Variants in PRKACB observed in about 807,000 individuals in gnomAD.
PRKACB encodes the protein protein kinase cAMP-activated catalytic subunit beta, also known as cAMP-dependent protein kinase catalytic subunit beta.
PRKACB carries 16 observed loss-of-function variants against 51.4 expected under a neutral mutation model. That is an observed-to-expected ratio of 0.31 (90% CI 0.21 to 0.47). The LOEUF (loss-of-function observed/expected upper bound fraction) is 0.47. PRKACB is among the 20% of genes least tolerant of loss of function. The probability of loss-of-function intolerance (pLI) is 1.00; values close to 1 mark genes in which losing one functional copy is unlikely to be tolerated. For synonymous variants in PRKACB, 147 were observed against 154.4 expected (o/e 0.95, Z 0.35); for missense variants, 309 against 464.5 (o/e 0.67, Z 3.08).
At chr1:84,104,324 T>C (rs182587947) in intron 1 of PRKACB, among the ~76,000 whole-genome samples, 474 of 152,304 alleles carry the variant, frequency 3.1e-3, no homozygotes, top group Non-Finnish European at 4.6e-3. Flanking sequence ...CTTTGTTATG[T>C]CTAAATAGTA....
At position 84,162,264 on chromosome 1, in the gene PRKACB, T is replaced by C. The variant is rs1343049337; in HGVS notation, c.188-16913T>C. ...AATTTGACTATGATATGTCTCAGTG[T>C]GGATCTTTTGGGTTTTATTCTAGTT... On this transcript the variant is annotated intron_variant, in intron 1 of 9. Transcript: ENST00000370685. Among the ~76,000 whole-genome samples, 3 of 152,086 alleles carry C rather than the reference T, an allele frequency of 2.0e-5. No individual in the cohort carries two copies. In the East Asian group the frequency reaches 5.8e-4, roughly 29 times the overall value.
chr1:84,141,054 A>G (rs1653358979), upstream of PRKACB, among the ~76,000 whole-genome samples: 1 of 152,090 alleles, frequency 6.6e-6, no homozygotes, highest in Admixed American at 6.5e-5. Flanking sequence ...AAAAGAAACC[A>G]ATATTTTGTG....
At position 84,214,133 on chromosome 1, in the gene PRKACB, C is replaced by G. The variant is rs1553186309; in HGVS notation, c.907-20C>G. The G allele has an allele frequency of 6.3e-7, 1 of 1,576,306 alleles. No homozygotes were observed. Among genetic ancestry groups the G allele is most frequent in the Non-Finnish European group, 8.6e-7 (1 of 1,165,184 alleles). ...ATGAGTCTTAGAATGTGTGTTTTACCAAATGGTGTGTTTGTGTAGGTCCGA... is the reference window on the plus strand; with the variant it reads ...ATGAGTCTTAGAATGTGTGTTTTACGAAATGGTGTGTTTGTGTAGGTCCGA... On this transcript the variant is annotated intron_variant, in intron 8 of 9. Transcript: ENST00000370685.
chr1:84,202,554 T>G, intron 7 of PRKACB, 129 bp from the exon 8 acceptor site: 1 of 848,754 alleles, frequency 1.2e-6, no homozygotes, highest in South Asian at 2.3e-5. Flanking sequence ...AATTCTGTCC[T>G]GAATAGCTGC....
intron 9 of PRKACB, among the ~76,000 whole-genome samples, chr1:84,230,398 A>G (rs1009311373): frequency 1.3e-4 from 20 of 152,152 alleles, no homozygotes; most frequent in Non-Finnish European, 2.2e-4. Context: ...TTGGCTTAGG[A>G]TTGATTTGGC....
intron 1 of PRKACB, among the ~76,000 whole-genome samples, chr1:84,153,126 T>C (rs1265248140): frequency 6.6e-6 from 1 of 151,956 alleles, no homozygotes; most frequent in African/African-American, 2.4e-5. Flanking sequence ...GACTAGCTGG[T>C]GAGTGGAGCA....
chr1:84,187,905 A>G (rs557391364), intron 5 of PRKACB, among the ~76,000 whole-genome samples: 1 of 152,216 alleles, frequency 6.6e-6, no homozygotes, highest in African/African-American at 2.4e-5. Flanking sequence ...TACTCATTGT[A>G]ATGCTGAGAA....
chr1:84,082,244 G>T (rs1179224162), intron 1 of PRKACB, among the ~76,000 whole-genome samples: 2 of 152,116 alleles, frequency 1.3e-5, no homozygotes, highest in East Asian at 3.8e-4. Flanking sequence ...CCACTTTGCT[G>T]AACAGCCTCT....
intron 1 of PRKACB, among the ~76,000 whole-genome samples, chr1:84,087,911 A>G (rs1229393468): frequency 6.6e-6 from 1 of 152,172 alleles, no homozygotes; most frequent in Non-Finnish European, 1.5e-5. Context: ...TTCCCTAGCC[A>G]GTGAAATAGG....
At chr1:84,097,122 AT>A (rs1557923082) in intron 1 of PRKACB, among the ~76,000 whole-genome samples, 1 of 151,656 alleles carries the variant, frequency 6.6e-6, no homozygotes, top group Non-Finnish European at 1.5e-5. Flanking sequence ...TACACAATTT[AT>A]TTTTTCTTTC....
rs1671049067 is a variant in PRKACB at position 84,204,655 on chromosome 1, T to C, written c.906+1850T>C. 6.3e-6 allele frequency: 7 copies of C among 1,109,392 alleles called. No individual in the cohort carries two copies. In the South Asian group the frequency reaches 1.9e-4, roughly 30 times the overall value. The allele number at this position is 1,109,392 out of a possible 1,614,324, so 68.7% of individuals were successfully genotyped here. Reference sequence around the variant, plus strand: ...AAATGGAAGAAGAATATTTTACTAATACAAAAACTAAGAATGTAAATGTTA... The same window carrying C: ...AAATGGAAGAAGAATATTTTACTAACACAAAAACTAAGAATGTAAATGTTA... On this transcript the variant is annotated intron_variant, in intron 8 of 9. Coordinates refer to ENST00000370685, the MANE Select transcript of PRKACB (RefSeq NM_182948.4).
chr1:84,150,338 C>T (rs555617766), intron 1 of PRKACB, among the ~76,000 whole-genome samples: 1 of 152,142 alleles, frequency 6.6e-6, no homozygotes, highest in African/African-American at 2.4e-5. Context: ...AATTTATTCT[C>T]AAAACAGTAT....
rs557706952 is a variant in PRKACB at position 84,178,383 on chromosome 1, A to C, written c.188-794A>C. 2.6e-5 allele frequency among the ~76,000 whole-genome samples: 4 copies of C among 152,166 alleles called. No homozygotes were observed. In the South Asian group the frequency reaches 8.3e-4, roughly 32 times the overall value. On this transcript the variant is annotated intron_variant, in intron 1 of 9. Transcript: ENST00000370685. The stretch of plus-strand genomic sequence containing the variant: ...AGTTGTTTTCTAAGATAGCTTTTGA[A>C]AATGGGGAAAGTTTTAACTGGTTCA...
At chr1:84,081,020 A>G (rs1220408396) in intron 1 of PRKACB, among the ~76,000 whole-genome samples, 1 of 152,252 alleles carries the variant, frequency 6.6e-6, no homozygotes, top group African/African-American at 2.4e-5. Context: ...AGGCAAAAAT[A>G]CAAGTGCTAA....
At chr1:84,202,834 T>A in intron 8 of PRKACB, 29 bp downstream of exon 8, 1 of 1,533,122 alleles carries the variant, frequency 6.5e-7, no homozygotes. Context: ...TATTCCTCTC[T>A]TATTACTGTA....
At chr1:84,164,294 CT>C in intron 1 of PRKACB, 1 of 1,503,412 alleles carries the variant, frequency 6.7e-7, no homozygotes, top group Non-Finnish European at 9.0e-7. Context: ...CCAATAGTCA[CT>C]AGCAACAGCA....
Position 84,237,484 on chromosome 1 carries a change from A to G in PRKACB, c.*2179A>G, listed in dbSNP as rs1433674327. On this transcript the variant is annotated 3_prime_UTR_variant, in exon 10 of 10. Coordinates refer to ENST00000370685, the MANE Select transcript of PRKACB (RefSeq NM_182948.4). ...CCCAGCTGTAGAATCTACCTTAGGT[A>G]GATGATCCCTAGACATACGTTGGTT... The G allele has an allele frequency of 6.6e-6, 1 of 152,570 alleles. No homozygotes were observed. The highest frequency in any genetic ancestry group is 1.5e-5 in the Non-Finnish European group (1 of 67,978). The allele number at this position is 152,570 out of a possible 1,614,324, so 9.5% of individuals were successfully genotyped here. A position where few individuals can be genotyped will look rare whatever the true frequency, so the allele number is the denominator to read the frequency against.
intron 1 of PRKACB, chr1:84,164,772 AT>A: frequency 1.4e-6 from 2 of 1,379,900 alleles, no homozygotes; most frequent in Non-Finnish European, 1.9e-6. Flanking sequence ...AGTTATAGAC[AT>A]CTTTGGCATT....
intron 1 of PRKACB, chr1:84,078,392 G>C (rs765593730): frequency 1.2e-6 from 2 of 1,608,862 alleles, no homozygotes; most frequent in Non-Finnish European, 1.7e-6. Flanking sequence ...GGCCGGGTCT[G>C]GGTATCCGCT....
Sources: allele counts gnomAD v4.1 joint callset (sites outside exome capture counted in the v4.1 genomes callset), GRCh38; gene constraint gnomAD v4.1.1; transcripts MANE v1.5; gene names NCBI Gene and HGNC (gene_info 2026-07-23, HGNC 2026-07-21).